The following LARGE1 variants were observed in gnomAD, a reference collection of about 807,000 sequenced individuals.
LARGE1 encodes LARGE xylosyl- and glucuronyltransferase 1.
In LARGE1, 43 loss-of-function variants were observed where a neutral mutation model predicts 87.6. That is an observed-to-expected ratio of 0.49 (90% confidence interval 0.38 to 0.63). The LOEUF is 0.63. Ranked by LOEUF, LARGE1 falls within the 30% of genes least tolerant of loss-of-function variation. LARGE1 has a pLI of 0.00. For synonymous variants in LARGE1, 434 were observed against 394.6 expected (o/e 1.10, Z -1.18); for missense variants, 802 against 1,000.2 (o/e 0.80, Z 2.67).
exon 12 of LARGE1, chr22:33,166,211 A>C (rs1308596238): frequency 6.6e-6 from 1 of 152,468 alleles, no homozygotes; most frequent in Non-Finnish European, 1.5e-5. Flanking sequence ...ACCTAGGGCC[A>C]CCTGGAACTC....
intron 2 of LARGE1, among the ~76,000 whole-genome samples, chr22:33,663,945 G>GAACC (rs1219861472): frequency 6.6e-6 from 1 of 152,054 alleles, no homozygotes; most frequent in African/African-American, 2.4e-5. Flanking sequence ...TTTCTTCTAG[G>GAACC]AACCCTTCTC....
intron 6 of LARGE1, among the ~76,000 whole-genome samples, chr22:33,472,161 G>C (rs1407546751): frequency 6.6e-6 from 1 of 152,192 alleles, no homozygotes; most frequent in African/African-American, 2.4e-5. Context: ...AGTGCCATGG[G>C]TTAACTTTGA....
intron 6 of LARGE1, among the ~76,000 whole-genome samples, chr22:33,464,839 C>CA (rs2148041431): frequency 6.6e-6 from 1 of 150,998 alleles, no homozygotes; most frequent in East Asian, 1.9e-4. Context: ...ATGCACACAC[C>CA]CACGCACACA....
At chr22:33,762,213 C>CAAAAAAAAAAAAAAAA (rs56832457) in intron 1 of LARGE1, among the ~76,000 whole-genome samples, 3 of 84,460 alleles carry the variant, frequency 3.6e-5, no homozygotes, top group African/African-American at 1.0e-4. Flanking sequence ...GATTCTATCT[C>CAAAAAAAAAAAAAAAA]AAAAAAAAAA....
At chr22:33,203,058 G>T (rs1463166450) in intron 11 of LARGE1, among the ~76,000 whole-genome samples, 1 of 146,474 alleles carries the variant, frequency 6.8e-6, no homozygotes, top group Non-Finnish European at 1.5e-5. Context: ...TAGAAAAATA[G>T]AATCTAAACT....
At chr22:33,647,835 G>A (rs1367868460) in intron 3 of LARGE1, among the ~76,000 whole-genome samples, 1 of 151,998 alleles carries the variant, frequency 6.6e-6, no homozygotes, top group East Asian at 1.9e-4. Flanking sequence ...TCGGCTCACT[G>A]CAATCTCCAC....
chr22:33,364,144 C>T (rs1042690218), intron 9 of LARGE1, among the ~76,000 whole-genome samples: 10 of 151,794 alleles, frequency 6.6e-5, no homozygotes, highest in Admixed American at 1.3e-4. Context: ...AAACTCCGCC[C>T]CCCGGGTTCA....
chr22:33,654,777 A>G (rs747148698), intron 2 of LARGE1, among the ~76,000 whole-genome samples: 20 of 152,210 alleles, frequency 1.3e-4, no homozygotes, highest in Non-Finnish European at 2.4e-4. Context: ...GCCCACACTG[A>G]TATTTCTCAA....
At chr22:33,456,334 G>A (rs1203266892) in intron 6 of LARGE1, among the ~76,000 whole-genome samples, 5 of 152,110 alleles carry the variant, frequency 3.3e-5, no homozygotes, top group Non-Finnish European at 7.4e-5. Flanking sequence ...AGGATCTAAT[G>A]ACTCTGACCT....
intron 6 of LARGE1, among the ~76,000 whole-genome samples, chr22:33,493,524 C>G (rs1435608249): frequency 6.6e-6 from 1 of 152,040 alleles, no homozygotes; most frequent in Non-Finnish European, 1.5e-5. Flanking sequence ...ATGGTTCAAC[C>G]TAATGGTGAT....
At chr22:33,248,178 C>T (rs5754497) in intron 11 of LARGE1, among the ~76,000 whole-genome samples, 2,646 of 152,096 alleles carry the variant, frequency 0.017, 25 homozygotes, top group East Asian at 0.027. Context: ...CCTTCCCCAA[C>T]ACTTGTAGAC....
chr22:33,738,585 C>A (rs555577618), intron 2 of LARGE1, among the ~76,000 whole-genome samples: 2 of 152,172 alleles, frequency 1.3e-5, no homozygotes, highest in African/African-American at 4.8e-5. Context: ...CAGGGCCGGG[C>A]GCGGTGGCTC....
chr22:33,106,954 A>G, the LARGE1 span, among the ~76,000 whole-genome samples: 370 of 152,344 alleles, frequency 2.4e-3, 2 homozygotes, highest in African/African-American at 8.5e-3. Context: ...TTTAATGTCC[A>G]TGTAGTTTTT....
chr22:33,894,720 G>A (rs2065088213), intron 1 of LARGE1, among the ~76,000 whole-genome samples: 1 of 150,750 alleles, frequency 6.6e-6, no homozygotes, highest in Non-Finnish European at 1.5e-5. Context: ...ACACATGTGT[G>A]TGACCTCATA....
intron 12 of LARGE1, among the ~76,000 whole-genome samples, chr22:33,294,714 T>G (rs1932991022): frequency 1.3e-5 from 2 of 152,314 alleles, no homozygotes; most frequent in Middle Eastern, 3.4e-3. Flanking sequence ...CATGTACCTC[T>G]CAGCCCTGCT....
chr22:33,115,881 C>T, the LARGE1 span, among the ~76,000 whole-genome samples: 1 of 149,990 alleles, frequency 6.7e-6, no homozygotes, highest in East Asian at 2.0e-4. Context: ...TGTGAGAACA[C>T]AGCATGAAAG....
At chr22:33,433,607 C>CAAAAAAAA (rs57605083) in intron 6 of LARGE1, among the ~76,000 whole-genome samples, 34 of 88,256 alleles carry the variant, frequency 3.9e-4, no homozygotes, top group South Asian at 9.6e-4. Flanking sequence ...AAAAACAAAA[C>CAAAAAAAA]AAAAAAAAAA....
intron 1 of LARGE1, among the ~76,000 whole-genome samples, chr22:33,793,621 C>T (rs1047225553): frequency 1.2e-4 from 18 of 152,186 alleles, no homozygotes; most frequent in Admixed American, 8.5e-4. Context: ...TTCCAGAATA[C>T]GGATAGCTAC....
At chr22:33,545,419 A>AACACACAC (rs55754949) in intron 6 of LARGE1, among the ~76,000 whole-genome samples, 2,749 of 143,988 alleles carry the variant, frequency 0.019, 39 homozygotes, top group Non-Finnish European at 0.023. Context: ...ACACCCAGCT[A>AACACACAC]ACACACACAC....
Sources: allele counts gnomAD v4.1 joint callset (sites outside exome capture counted in the v4.1 genomes callset), GRCh38; gene constraint gnomAD v4.1.1; transcripts MANE v1.5; gene names NCBI Gene and HGNC (gene_info 2026-07-23, HGNC 2026-07-21).